Variants in FRMD4A observed in about 807,000 individuals in gnomAD.
FRMD4A encodes FERM domain containing 4A.
In FRMD4A, 29 loss-of-function variants were observed where a neutral mutation model predicts 129.1. The ratio of observed to expected loss-of-function variants is 0.22; its 90% confidence interval spans 0.17 to 0.31. The LOEUF is 0.31. Among genes scored for constraint, FRMD4A ranks in the 10% least tolerant of loss-of-function variants. The probability of loss-of-function intolerance (pLI) is 1.00; values close to 1 mark genes in which losing one functional copy is unlikely to be tolerated. For missense variants in FRMD4A, 1,272 were observed against 1,375.8 expected, an observed-to-expected ratio of 0.92 and a Z score of 1.19; for synonymous variants, 634 against 571.6, an observed-to-expected ratio of 1.11 and a Z score of -1.56.
intron 2 of FRMD4A, among the ~76,000 whole-genome samples, chr10:13,962,021 A>G (rs2446577): frequency 1 from 152,255 of 152,280 alleles, 76,115 homozygotes; most frequent in Middle Eastern, 1. Flanking sequence ...TTTGTTAGAT[A>G]AATGAACAAA....
intron 2 of FRMD4A, among the ~76,000 whole-genome samples, chr10:14,052,290 T>C (rs956500043): frequency 6.6e-6 from 1 of 152,226 alleles, no homozygotes; most frequent in East Asian, 1.9e-4. Context: ...TGGTTTGCAG[T>C]GTTTTGTTAT....
chr10:14,066,563 T>C (rs117018070), intron 2 of FRMD4A, among the ~76,000 whole-genome samples: 1 of 152,010 alleles, frequency 6.6e-6, no homozygotes, highest in Admixed American at 6.6e-5. Context: ...CTGTGTAAAG[T>C]GTACACAGAA....
At position 13,644,367 on chromosome 10, in the gene FRMD4A, T is replaced by A. The variant is rs2080985018; in HGVS notation, c.*2671A>T. ...ACTACATCATTTCCCACCACACTGA[T>A]CATTAATCATGTCAGTCTCAAAGGA... On this transcript the variant is annotated 3_prime_UTR_variant, in exon 25 of 25. Coordinates refer to ENST00000357447, the MANE Select transcript of FRMD4A (RefSeq NM_018027.5). 1 of 152,230 alleles carries A rather than the reference T, an allele frequency of 6.6e-6. No individual in the cohort carries two copies. The highest frequency in any genetic ancestry group is 1.5e-5 in the Non-Finnish European group (1 of 68,038). 9.4% of individuals were successfully genotyped at this position (152,230 alleles called of 1,614,324 possible). A position where few individuals can be genotyped will look rare whatever the true frequency, so the allele number is the denominator to read the frequency against.
chr10:13,871,488 T>C (rs1223302252), intron 2 of FRMD4A, among the ~76,000 whole-genome samples: 2 of 152,180 alleles, frequency 1.3e-5, no homozygotes, highest in Non-Finnish European at 2.9e-5. Flanking sequence ...ACTGGACAGA[T>C]ACTGATTTGT....
At chr10:14,084,385 G>A (rs1002532565) in intron 2 of FRMD4A, among the ~76,000 whole-genome samples, 44 of 152,218 alleles carry the variant, frequency 2.9e-4, no homozygotes, top group African/African-American at 1.0e-3. Flanking sequence ...GACCTCAAGT[G>A]ATCCGCCTGC....
At chr10:13,711,345 C>T (rs1026751690) in intron 12 of FRMD4A, among the ~76,000 whole-genome samples, 12 of 152,252 alleles carry the variant, frequency 7.9e-5, no homozygotes, top group African/African-American at 2.7e-4. Context: ...AGATGCTCCA[C>T]CTTGCCTCCC....
intron 6 of FRMD4A, among the ~76,000 whole-genome samples, chr10:13,769,152 G>A (rs892748083): frequency 6.6e-6 from 1 of 150,594 alleles, no homozygotes; most frequent in Non-Finnish European, 1.5e-5. Flanking sequence ...CACCACGCCT[G>A]GCTAATTTTT....
At chr10:14,093,986 C>T (rs752844897) in intron 2 of FRMD4A, among the ~76,000 whole-genome samples, 9 of 152,214 alleles carry the variant, frequency 5.9e-5, no homozygotes, top group Non-Finnish European at 1.0e-4. Context: ...AGTGACTTGC[C>T]TTGTCAAATG....
chr10:13,885,855 C>T (rs898581375), intron 2 of FRMD4A, among the ~76,000 whole-genome samples: 1 of 152,172 alleles, frequency 6.6e-6, no homozygotes, highest in Non-Finnish European at 1.5e-5. Context: ...ACACTGCTCC[C>T]CATTGTGCTC....
intron 2 of FRMD4A, among the ~76,000 whole-genome samples, chr10:14,302,514 A>T (rs1010692285): frequency 6.6e-5 from 10 of 152,344 alleles, no homozygotes; most frequent in African/African-American, 2.4e-4. Context: ...AAGTTACTAA[A>T]CTTCTCTTCA....
At chr10:14,032,331 T>C (rs1833284301) in intron 2 of FRMD4A, among the ~76,000 whole-genome samples, 1 of 152,236 alleles carries the variant, frequency 6.6e-6, no homozygotes, top group Non-Finnish European at 1.5e-5. Context: ...GATTTCTTAA[T>C]TACTGTGAGG....
chr10:13,993,090 GA>G (rs2131432055), intron 2 of FRMD4A, among the ~76,000 whole-genome samples: 1 of 152,152 alleles, frequency 6.6e-6, no homozygotes, highest in African/African-American at 2.4e-5. Context: ...AGAAGGTAGT[GA>G]ATTCAAAGTT....
At chr10:14,285,378 C>T (rs969084862) in intron 2 of FRMD4A, among the ~76,000 whole-genome samples, 3 of 152,222 alleles carry the variant, frequency 2.0e-5, no homozygotes, top group Admixed American at 1.3e-4. Flanking sequence ...GTGAAAAACA[C>T]GAGCTTGAAA....
intron 5 of FRMD4A, among the ~76,000 whole-genome samples, chr10:13,792,132 G>C (rs1242039744): frequency 2.0e-5 from 3 of 152,168 alleles, no homozygotes; most frequent in Non-Finnish European, 4.4e-5. Flanking sequence ...TCTGCCAGGG[G>C]AGCTCTGGGT....
At chr10:14,055,152 A>G (rs969741848) in intron 2 of FRMD4A, among the ~76,000 whole-genome samples, 5 of 152,144 alleles carry the variant, frequency 3.3e-5, no homozygotes, top group African/African-American at 9.7e-5. Context: ...CCAGGTCTAT[A>G]TACTCTGGAC....
chr10:13,647,141 G>A (rs1249691923), intron 24 of FRMD4A, 106 bp from the exon 25 acceptor site: 1 of 162,514 alleles, frequency 6.2e-6, no homozygotes, highest in Non-Finnish European at 1.3e-5. Context: ...AGGGCCCTGT[G>A]CTAATCACGA....
chr10:13,952,561 A>G (rs898461073), intron 2 of FRMD4A, among the ~76,000 whole-genome samples: 1 of 152,188 alleles, frequency 6.6e-6, no homozygotes, highest in Admixed American at 6.5e-5. Flanking sequence ...TTTAAAATGT[A>G]CCTGTAATTC....
At chr10:14,046,815 T>C (rs1289576100) in intron 2 of FRMD4A, among the ~76,000 whole-genome samples, 2 of 152,220 alleles carry the variant, frequency 1.3e-5, no homozygotes, top group Non-Finnish European at 2.9e-5. Context: ...GCTGCTCTGA[T>C]GAGGAAAATC....
intron 2 of FRMD4A, among the ~76,000 whole-genome samples, chr10:13,935,781 T>C (rs910611228): frequency 1.3e-5 from 2 of 152,174 alleles, no homozygotes; most frequent in Non-Finnish European, 2.9e-5. Flanking sequence ...ACTCCTATCC[T>C]CCTTCCTACT....
Sources: gnomAD v4.1 joint callset for allele counts (sites outside exome capture counted in the v4.1 genomes callset) on GRCh38, gnomAD v4.1.1 for gene constraint, MANE v1.5 for transcripts, NCBI Gene and HGNC (gene_info 2026-07-23, HGNC 2026-07-21) for gene names.